The following CUL5 variants were observed in gnomAD, a reference collection of about 807,000 sequenced individuals.
CUL5 encodes the protein cullin 5, also known as cullin-5.
Under a neutral mutation model 108.8 loss-of-function variants are expected in CUL5, and 26 were observed. The ratio of observed to expected loss-of-function variants is 0.24; its 90% CI spans 0.18 to 0.33. CUL5 has a LOEUF of 0.33. Ranked by LOEUF, CUL5 falls within the 10% of genes least tolerant of loss-of-function variation. The probability of loss-of-function intolerance (pLI) is 1.00; values close to 1 mark genes in which losing one functional copy is unlikely to be tolerated. For synonymous variants in CUL5, 334 were observed against 298.0 expected, an observed-to-expected ratio of 1.12 and a Z score of -1.25; for missense variants, 524 against 909.2, an observed-to-expected ratio of 0.58 and a Z score of 5.45.
rs979934449 is a variant in CUL5 at position 108,059,514 on chromosome 11, A to G, written c.780+4559A>G. On this transcript the variant is annotated intron_variant, in intron 7 of 18. Transcript: ENST00000393094. ...AATTAGATGAGGATTTGAATCCCAC[A>G]GATGTTATTTTACCAGCTGTCTGCG... Among the ~76,000 whole-genome samples the G allele has an allele frequency of 2.0e-5, 3 of 152,196 alleles. No homozygotes were observed. The East Asian group carries it at 5.8e-4, about 29-fold the overall frequency.
At chr11:108,015,055 T>C (rs975010137) in intron 1 of CUL5, among the ~76,000 whole-genome samples, 6 of 152,150 alleles carry the variant, frequency 3.9e-5, no homozygotes, top group African/African-American at 1.4e-4. Context: ...ACCACCACCA[T>C]GCTCGGCTGA....
At chr11:108,053,656 AC>A (rs1210925768) in intron 5 of CUL5, among the ~76,000 whole-genome samples, 1 of 144,488 alleles carries the variant, frequency 6.9e-6, no homozygotes, top group Admixed American at 6.9e-5. Flanking sequence ...TTTTCTACTT[AC>A]CCCTTAAGTG....
chr11:108,009,413 C>G (rs1334231315), intron 1 of CUL5, 41 bp downstream of exon 1: 8 of 1,610,090 alleles, frequency 5.0e-6, no homozygotes, highest in Non-Finnish European at 6.8e-6. Flanking sequence ...TGTGTGGCCG[C>G]CGGGTTCGGC....
intron 18 of CUL5, among the ~76,000 whole-genome samples, chr11:108,099,856 G>A (rs1379890229): frequency 6.7e-6 from 1 of 149,548 alleles, no homozygotes; most frequent in Admixed American, 6.6e-5. Context: ...TGCTCAGCAT[G>A]AAAAACTATA....
chr11:108,035,547 G>A (rs1454886893), intron 2 of CUL5, among the ~76,000 whole-genome samples: 2 of 151,660 alleles, frequency 1.3e-5, no homozygotes, highest in Non-Finnish European at 2.9e-5. Flanking sequence ...GACCAGCCTG[G>A]GCAACATAGT....
At chr11:108,058,548 C>A (rs9888206) in intron 7 of CUL5, among the ~76,000 whole-genome samples, 151,864 of 151,864 alleles carry the variant, frequency 1, 75,932 homozygotes, top group Non-Finnish European at 1. Context: ...GCACCCGGCC[C>A]AAAGTGATTT....
chr11:108,048,443 T>C (rs917139119), intron 3 of CUL5, among the ~76,000 whole-genome samples: 1 of 152,102 alleles, frequency 6.6e-6, no homozygotes, highest in African/African-American at 2.4e-5. Flanking sequence ...TTAAAACTCA[T>C]ATATGGTTTT....
At chr11:108,029,653 T>G (rs1262526227) in intron 1 of CUL5, among the ~76,000 whole-genome samples, 1 of 152,258 alleles carries the variant, frequency 6.6e-6, no homozygotes, top group African/African-American at 2.4e-5. Context: ...AAGGAACTAC[T>G]TGAGCATCAT....
chr11:108,070,560 A>G (rs1863796696), intron 8 of CUL5, among the ~76,000 whole-genome samples: 1 of 152,150 alleles, frequency 6.6e-6, no homozygotes, highest in African/African-American at 2.4e-5. Context: ...TTTAGAATGT[A>G]ATAAAACACT....
chr11:108,059,158 G>T (rs1251983921), intron 7 of CUL5, among the ~76,000 whole-genome samples: 4 of 152,106 alleles, frequency 2.6e-5, no homozygotes, highest in Non-Finnish European at 5.9e-5. Context: ...GACAGTAGGC[G>T]CATGCAACCA....
At chr11:108,097,434 A>G (rs1205119164) in intron 16 of CUL5, among the ~76,000 whole-genome samples, 1 of 152,170 alleles carries the variant, frequency 6.6e-6, no homozygotes, top group Admixed American at 6.5e-5. Context: ...TAAAGAGAGC[A>G]TTTATTGCTT....
At chr11:108,097,569 G>T in intron 16 of CUL5, 67 bp from the exon 17 acceptor site, 2 of 849,242 alleles carry the variant, frequency 2.4e-6, no homozygotes, top group South Asian at 1.6e-5. Context: ...TTGATTATGT[G>T]GGAGAATTGA....
At chr11:108,059,639 G>A (rs1041208854) in intron 7 of CUL5, among the ~76,000 whole-genome samples, 1 of 152,116 alleles carries the variant, frequency 6.6e-6, no homozygotes, top group African/African-American at 2.4e-5. Context: ...AGCACTTAGG[G>A]AGGCCGAGAT....
chr11:108,047,220 G>A (rs1024254280), intron 3 of CUL5, among the ~76,000 whole-genome samples: 6 of 152,130 alleles, frequency 3.9e-5, no homozygotes, highest in African/African-American at 9.7e-5. Flanking sequence ...GAGAGGCTGA[G>A]GCAGGAGAAT....
intron 14 of CUL5, 103 bp downstream of exon 14, chr11:108,094,617 G>T (rs1393266996): frequency 1.5e-5 from 12 of 827,050 alleles, no homozygotes; most frequent in Non-Finnish European, 2.0e-5. Context: ...ATCGAAAGAT[G>T]TTATGAAGTC....
Position 108,094,717 on chromosome 11 carries a change from A to C in CUL5, c.1568-95A>C, listed in dbSNP as rs907534971. The C allele has an allele frequency of 4.0e-6, 4 of 1,010,826 alleles. No homozygotes were observed. The African/African-American group carries it at 6.6e-5, about 17-fold the overall frequency. 62.6% of individuals were successfully genotyped at this position (1,010,826 alleles called of 1,614,324 possible). Reference sequence around the variant, plus strand: ...AGGACACTTTTAACAAAATCTTTATAGTCTTATTGATTTTTCACCCAAAGT... The same window carrying C: ...AGGACACTTTTAACAAAATCTTTATCGTCTTATTGATTTTTCACCCAAAGT... On this transcript the variant is annotated intron_variant, in intron 14 of 18. Coordinates refer to ENST00000393094, the MANE Select transcript of CUL5 (RefSeq NM_003478.6).
At chr11:108,043,283 A>G (rs1317055153) in intron 2 of CUL5, among the ~76,000 whole-genome samples, 1 of 152,188 alleles carries the variant, frequency 6.6e-6, no homozygotes, top group Non-Finnish European at 1.5e-5. Flanking sequence ...CATGTGGCCT[A>G]GGCTAATCTC....
intron 11 of CUL5, among the ~76,000 whole-genome samples, chr11:108,078,603 TA>T (rs892758178): frequency 6.6e-6 from 1 of 152,108 alleles, no homozygotes. Flanking sequence ...ATTACCGTTT[TA>T]AAAAATTGTT....
intron 1 of CUL5, among the ~76,000 whole-genome samples, chr11:108,016,404 A>G (rs1862191981): frequency 6.6e-6 from 1 of 151,976 alleles, no homozygotes; most frequent in African/African-American, 2.4e-5. Context: ...CAGGTGCAAC[A>G]CCAGCATTCC....
Sources: gnomAD v4.1 joint callset for allele counts (sites outside exome capture counted in the v4.1 genomes callset) on GRCh38, gnomAD v4.1.1 for gene constraint, MANE v1.5 for transcripts, NCBI Gene and HGNC (gene_info 2026-07-23, HGNC 2026-07-21) for gene names.